The following TMTC3 variants were observed in gnomAD, a reference collection of about 807,000 sequenced individuals.
TMTC3 encodes the protein protein O-mannosyl-transferase TMTC3.
TMTC3 carries 52 observed loss-of-function variants against 92.2 expected under a neutral mutation model. The observed-to-expected ratio is 0.56, with a 90% CI of 0.45 to 0.71. The LOEUF (loss-of-function observed/expected upper bound fraction) is 0.71, where lower values mean the gene tolerates loss of function less well. Ranked by LOEUF, TMTC3 falls within the 30% of genes least tolerant of loss-of-function variation. The pLI, the probability that TMTC3 is intolerant of heterozygous loss-of-function variation, is 0.00. For synonymous variants in TMTC3, 339 were observed against 363.3 expected, an observed-to-expected ratio of 0.93 and a Z score of 0.76; for missense variants, 896 against 1,057.1, an observed-to-expected ratio of 0.85 and a Z score of 2.11.
intron 7 of TMTC3, 71 bp from the exon 8 acceptor site, chr12:88,172,526 A>G (rs1181751944): frequency 1.1e-6 from 1 of 928,268 alleles, no homozygotes; most frequent in Admixed American, 4.4e-5. Context: ...AGATGCCCAT[A>G]TATTTCTTAA....
chr12:88,165,086 T>C (rs561162868), intron 6 of TMTC3, among the ~76,000 whole-genome samples: 4 of 152,148 alleles, frequency 2.6e-5, no homozygotes, highest in South Asian at 4.1e-4. Flanking sequence ...TCTAAAAATA[T>C]AGTTTATAGG....
chr12:88,188,808 A>G (rs2041407226), intron 10 of TMTC3, 35 bp from the exon 11 acceptor site: 2 of 1,096,956 alleles, frequency 1.8e-6, no homozygotes, highest in Non-Finnish European at 2.7e-6. Context: ...TATCAGTTGT[A>G]TACTTGCCAA....
At chr12:88,189,057 A>T in intron 11 of TMTC3, 111 bp downstream of exon 11, 2 of 655,458 alleles carry the variant, frequency 3.1e-6, no homozygotes, top group Non-Finnish European at 2.6e-6. Context: ...ATATAAAAGT[A>T]AGTTTTATAA....
intron 7 of TMTC3, among the ~76,000 whole-genome samples, chr12:88,170,655 GA>G (rs2041194651): frequency 6.6e-6 from 1 of 151,928 alleles, no homozygotes; most frequent in Admixed American, 6.6e-5. Context: ...AAGTCAAATA[GA>G]AAAAAAGGAC....
At chr12:88,169,388 A>T (rs968879822) in intron 7 of TMTC3, among the ~76,000 whole-genome samples, 4 of 152,198 alleles carry the variant, frequency 2.6e-5, no homozygotes, top group African/African-American at 9.6e-5. Context: ...CAGCAAATAA[A>T]ATAATGGTGT....
chr12:88,153,796 C>T (rs1341620239), intron 3 of TMTC3, among the ~76,000 whole-genome samples: 1 of 151,668 alleles, frequency 6.6e-6, no homozygotes, highest in Non-Finnish European at 1.5e-5. Context: ...GTTCTTCGGT[C>T]ACTTTTTTTA....
At chr12:88,165,641 G>T (rs1244961231) in intron 6 of TMTC3, among the ~76,000 whole-genome samples, 3 of 151,978 alleles carry the variant, frequency 2.0e-5, no homozygotes, top group Non-Finnish European at 2.9e-5. Context: ...CTAAACTAAT[G>T]AAATGTATAT....
chr12:88,182,654 A>G (rs572161900), intron 10 of TMTC3, among the ~76,000 whole-genome samples: 2 of 152,308 alleles, frequency 1.3e-5, no homozygotes, highest in Non-Finnish European at 2.9e-5. Context: ...TATAAACTTA[A>G]AAGTACTGGC....
At chr12:88,169,618 G>GT (rs2041182503) in intron 7 of TMTC3, among the ~76,000 whole-genome samples, 1 of 152,124 alleles carries the variant, frequency 6.6e-6, no homozygotes, top group South Asian at 2.1e-4. Flanking sequence ...ACAGCATAAT[G>GT]TAAGTTGTTA....
At chr12:88,178,815 C>G (rs2041286689) in intron 10 of TMTC3, among the ~76,000 whole-genome samples, 1 of 152,200 alleles carries the variant, frequency 6.6e-6, no homozygotes, top group Admixed American at 6.5e-5. Context: ...TTAGGCCCCT[C>G]AGACTCTTCT....
At chr12:88,158,944 C>T (rs1406803479) in intron 4 of TMTC3, among the ~76,000 whole-genome samples, 1 of 150,656 alleles carries the variant, frequency 6.6e-6, no homozygotes, top group Non-Finnish European at 1.5e-5. Flanking sequence ...CCCAGCTACT[C>T]GGGAGGCTGA....
intron 1 of TMTC3, among the ~76,000 whole-genome samples, chr12:88,144,250 C>A (rs775963913): frequency 1.3e-5 from 2 of 152,126 alleles, no homozygotes; most frequent in African/African-American, 4.8e-5. Flanking sequence ...TTTTACCCAG[C>A]CCCTATTCAA....
chr12:88,192,468 G>A (rs1323961292), intron 12 of TMTC3, 136 bp from the exon 13 acceptor site: 8 of 597,204 alleles, frequency 1.3e-5, no homozygotes, highest in African/African-American at 7.5e-5. Context: ...AGTTGTTTTC[G>A]AAAGAGAGTT....
chr12:88,153,674 A>G (rs373711424), intron 3 of TMTC3, among the ~76,000 whole-genome samples, 165 bp downstream of exon 3: 5 of 152,072 alleles, frequency 3.3e-5, no homozygotes, highest in African/African-American at 1.2e-4. Context: ...ACTTCCTAGT[A>G]TGCAAAGTAT....
chr12:88,155,139 C>T (rs1020189351), intron 4 of TMTC3, among the ~76,000 whole-genome samples: 1 of 152,106 alleles, frequency 6.6e-6, no homozygotes, highest in African/African-American at 2.4e-5. Context: ...CTGCATAATG[C>T]CTTCTTAAAA....
intron 13 of TMTC3, 40 bp downstream of exon 13, chr12:88,192,870 G>A: frequency 2.0e-6 from 3 of 1,497,904 alleles, no homozygotes; most frequent in Non-Finnish European, 2.7e-6. Flanking sequence ...ATAAATTGTA[G>A]TTTATAATAT....
At position 88,148,477 on chromosome 12, in the gene TMTC3, T is replaced by C; in HGVS notation, c.162T>C (p.Asn54=). 1 of 1,611,778 alleles carries C rather than the reference T, an allele frequency of 6.2e-7. No homozygotes were observed. Among genetic ancestry groups the C allele is most frequent in the Non-Finnish European group, 8.5e-7 (1 of 1,179,008 alleles). ...PSTPLKTLFQ[N]DFWGTPMSEE... ...CACCTTTAAAAACTTTATTTCAAAA[T>C]GACTTCTGGGGAACCCCTATGTCTG... The change falls in exon 2 of 14, where the codon AAT becomes AAC. Residue 54 remains asparagine (N), a synonymous_variant. Transcript: ENST00000266712.
chr12:88,180,069 ACTC>A (rs1221449624), intron 10 of TMTC3, among the ~76,000 whole-genome samples: 4 of 151,682 alleles, frequency 2.6e-5, no homozygotes, highest in Non-Finnish European at 5.9e-5. Flanking sequence ...CCCTGACCGA[ACTC>A]CTACATCTCA....
intron 1 of TMTC3, among the ~76,000 whole-genome samples, chr12:88,147,318 C>T (rs913153332): frequency 6.6e-6 from 1 of 151,982 alleles, no homozygotes; most frequent in African/African-American, 2.4e-5. Flanking sequence ...AGTTTGTCAC[C>T]CCAAGTGAAT....
Sources: gnomAD v4.1 joint callset for allele counts (sites outside exome capture counted in the v4.1 genomes callset) on GRCh38, gnomAD v4.1.1 for gene constraint, MANE v1.5 for transcripts, NCBI Gene and HGNC (gene_info 2026-07-23, HGNC 2026-07-21) for gene names.